PRDM5: variants seen among roughly 807,000 people sequenced by gnomAD.
PRDM5 encodes the protein PR/SET domain 5.
Under a neutral mutation model 81.2 loss-of-function variants are expected in PRDM5, and 56 were observed. The ratio of observed to expected loss-of-function variants is 0.69; its 90% CI spans 0.56 to 0.86. The LOEUF (loss-of-function observed/expected upper bound fraction) is 0.86. Ranked by LOEUF, PRDM5 falls within the 40% of genes least tolerant of loss-of-function variation. The pLI, the probability that PRDM5 is intolerant of heterozygous loss-of-function variation, is 0.00. For missense variants in PRDM5, 697 were observed against 770.1 expected (o/e 0.91, Z 1.12); for synonymous variants, 267 against 256.4 (o/e 1.04, Z -0.39).
chr4:120,825,665 A>T (rs1256755036), intron 3 of PRDM5, among the ~76,000 whole-genome samples: 1 of 151,906 alleles, frequency 6.6e-6, no homozygotes, highest in Non-Finnish European at 1.5e-5. Flanking sequence ...ATACAGGAAA[A>T]GTTGAGTAAG....
intron 13 of PRDM5, among the ~76,000 whole-genome samples, chr4:120,764,670 C>T (rs1273906531): frequency 6.6e-6 from 1 of 151,980 alleles, no homozygotes. Flanking sequence ...AACACTGAGA[C>T]ATCTAAAAAC....
intron 13 of PRDM5, among the ~76,000 whole-genome samples, chr4:120,774,003 TAA>T (rs1353649304): frequency 5.9e-5 from 9 of 152,256 alleles, no homozygotes; most frequent in Non-Finnish European, 2.9e-5. Flanking sequence ...TTACTTTTAG[TAA>T]ATTAACAAGT....
At chr4:120,739,101 G>A (rs1286647309) in intron 14 of PRDM5, among the ~76,000 whole-genome samples, 2 of 152,190 alleles carry the variant, frequency 1.3e-5, no homozygotes, top group African/African-American at 2.4e-5. Flanking sequence ...CTATTATGTG[G>A]CATGCCTATC....
chr4:120,723,864 T>C lies in PRDM5; in HGVS notation c.1624-13451A>G, dbSNP rs184846871. On this transcript the variant is annotated intron_variant, in intron 14 of 15. Coordinates refer to ENST00000264808, the MANE Select transcript of PRDM5 (RefSeq NM_018699.4). ...TTGTCATGTATCATCCTCGTTGTTT[T>C]ATCTTAAAAAATTGCTAATGAAAAT... is the stretch of plus-strand genomic sequence containing the variant. Among the ~76,000 whole-genome samples the C allele has an allele frequency of 4.6e-3, 703 of 151,808 alleles. 3 individuals carry two copies. Among genetic ancestry groups the C allele is most frequent in the African/African-American group, 0.016 (645 of 41,420 alleles).
chr4:120,712,845 A>G (rs1737205345), intron 14 of PRDM5, among the ~76,000 whole-genome samples: 1 of 152,216 alleles, frequency 6.6e-6, no homozygotes, highest in Non-Finnish European at 1.5e-5. Flanking sequence ...ATTTATTTAT[A>G]TACATTCTCC....
chr4:120,775,200 T>C lies in PRDM5; in HGVS notation c.1537+1988A>G, dbSNP rs74759206. ...ATAACCAAATGATACATAAAGTGAT[T>C]TGGAGTGTAGAATACACTTTAAATT... On this transcript the variant is annotated intron_variant, in intron 13 of 15. Coordinates refer to ENST00000264808, the MANE Select transcript of PRDM5 (RefSeq NM_018699.4). 7.2e-3 allele frequency among the ~76,000 whole-genome samples: 1,085 copies of C among 151,728 alleles called. 13 individuals are homozygous for C. The highest frequency in any genetic ancestry group is 0.025 in the African/African-American group (1,042 of 41,456).
Position 120,732,357 on chromosome 4 carries a change from A to G in PRDM5, c.1624-21944T>C, listed in dbSNP as rs1356623597. 4.6e-5 allele frequency among the ~76,000 whole-genome samples: 7 copies of G among 152,230 alleles called. No individual in the cohort carries two copies. The East Asian group carries it at 1.3e-3, about 29-fold the overall frequency. On this transcript the variant is annotated intron_variant, in intron 14 of 15. Transcript: ENST00000264808. Reference sequence around the variant, plus strand: ...TCTTAACATCTAATATTAAGTAATCAGATAATATTATTTGTTTTATGCACT... The same window carrying G: ...TCTTAACATCTAATATTAAGTAATCGGATAATATTATTTGTTTTATGCACT...
chr4:120,916,635 C>T (rs993723077), intron 1 of PRDM5, among the ~76,000 whole-genome samples: 1 of 152,088 alleles, frequency 6.6e-6, no homozygotes, highest in Admixed American at 6.6e-5. Context: ...TTTGACATAT[C>T]CCCTTGCTGT....
chr4:120,855,754 T>C (rs1466151728), intron 2 of PRDM5, among the ~76,000 whole-genome samples: 2 of 152,226 alleles, frequency 1.3e-5, no homozygotes, highest in African/African-American at 4.8e-5. Context: ...AAGAAAAATT[T>C]TCTCAGTAGA....
At chr4:120,742,961 C>T (rs537058769) in intron 14 of PRDM5, among the ~76,000 whole-genome samples, 1 of 151,950 alleles carries the variant, frequency 6.6e-6, no homozygotes, top group South Asian at 2.1e-4. Context: ...AAGAGCAACT[C>T]CAAGACACAT....
At chr4:120,730,328 G>T (rs913495300) in intron 14 of PRDM5, among the ~76,000 whole-genome samples, 1 of 152,058 alleles carries the variant, frequency 6.6e-6, no homozygotes, top group African/African-American at 2.4e-5. Context: ...TCTCTTCACC[G>T]TTGCAATATG....
intron 13 of PRDM5, among the ~76,000 whole-genome samples, chr4:120,767,803 G>A (rs1746595315): frequency 1.3e-5 from 2 of 152,154 alleles, no homozygotes; most frequent in South Asian, 4.1e-4. Context: ...GGGACCCGGT[G>A]GGAAATAATT....
intron 10 of PRDM5, among the ~76,000 whole-genome samples, chr4:120,792,742 T>A (rs1750762232): frequency 6.6e-6 from 1 of 152,000 alleles, no homozygotes; most frequent in Admixed American, 6.6e-5. Context: ...AAGAAAGAAA[T>A]CCTGTCATTT....
At chr4:120,747,237 G>C (rs1248864119) in intron 14 of PRDM5, among the ~76,000 whole-genome samples, 1 of 143,370 alleles carries the variant, frequency 7.0e-6, no homozygotes, top group Non-Finnish European at 1.5e-5. Flanking sequence ...TGAACAATGA[G>C]ATCACATGGA....
chr4:120,744,343 T>G (rs1415078464), intron 14 of PRDM5, among the ~76,000 whole-genome samples: 2 of 151,972 alleles, frequency 1.3e-5, no homozygotes, highest in African/African-American at 2.4e-5. Context: ...GATCCAAAAT[T>G]GACACCCTAA....
At chr4:120,881,202 A>C (rs1588521) in intron 2 of PRDM5, among the ~76,000 whole-genome samples, 62,843 of 152,066 alleles carry the variant, frequency 0.41, 14,684 homozygotes, top group African/African-American at 0.65. Context: ...CAAATCACAC[A>C]AAGATTTTTT....
intron 3 of PRDM5, among the ~76,000 whole-genome samples, chr4:120,853,117 A>G (rs567689928): frequency 1.3e-5 from 2 of 152,320 alleles, no homozygotes; most frequent in South Asian, 4.1e-4. Flanking sequence ...ACAAATTAAA[A>G]TATCAATGAA....
At chr4:120,771,574 A>G (rs1449281052) in intron 13 of PRDM5, among the ~76,000 whole-genome samples, 2 of 152,210 alleles carry the variant, frequency 1.3e-5, no homozygotes, top group African/African-American at 4.8e-5. Context: ...GATTTTAAGT[A>G]TGCCAAACAC....
chr4:120,890,947 C>T (rs1033733788), intron 2 of PRDM5, among the ~76,000 whole-genome samples: 1 of 152,084 alleles, frequency 6.6e-6, no homozygotes, highest in African/African-American at 2.4e-5. Context: ...TTCATAGTTT[C>T]TTTTATGGTG....
Sources: allele counts gnomAD v4.1 joint callset (sites outside exome capture counted in the v4.1 genomes callset), GRCh38; gene constraint gnomAD v4.1.1; transcripts MANE v1.5; gene names NCBI Gene and HGNC (gene_info 2026-07-23, HGNC 2026-07-21).